Variants in ASPA observed in about 807,000 individuals in gnomAD.
ASPA encodes aspartoacylase, also known as ACY-2.
Under a neutral mutation model 29.6 loss-of-function variants are expected in ASPA, and 25 were observed. The observed-to-expected ratio is 0.85, with a 90% CI of 0.62 to 1.18. The LOEUF is 1.18. Among genes scored for constraint, ASPA ranks in the 50% most tolerant of loss-of-function variants. The pLI, the probability that ASPA is intolerant of heterozygous loss-of-function variation, is 0.00. For synonymous variants in ASPA, 131 were observed against 130.3 expected, an observed-to-expected ratio of 1.01 and a Z score of -0.04; for missense variants, 333 against 385.7, an observed-to-expected ratio of 0.86 and a Z score of 1.14.
chr17:3,479,755 T>A (rs543012126), intron 1 of ASPA, among the ~76,000 whole-genome samples: 1 of 152,262 alleles, frequency 6.6e-6, no homozygotes, highest in South Asian at 2.1e-4. Flanking sequence ...CCTGATCTCA[T>A]TCCAGGCAGG....
intron 4 of ASPA, among the ~76,000 whole-genome samples, chr17:3,492,563 C>T (rs895551545): frequency 2.0e-5 from 3 of 152,194 alleles, no homozygotes; most frequent in Admixed American, 1.3e-4. Context: ...GCTGGCTTGC[C>T]CATGTGAATT....
At chr17:3,497,092 G>A (rs555476586) in intron 5 of ASPA, among the ~76,000 whole-genome samples, 3 of 152,162 alleles carry the variant, frequency 2.0e-5, no homozygotes, top group African/African-American at 7.2e-5. Context: ...GCTGATTTCT[G>A]AGTCCTCTTC....
At chr17:3,492,808 G>C (rs1405145421) in intron 4 of ASPA, among the ~76,000 whole-genome samples, 1 of 152,098 alleles carries the variant, frequency 6.6e-6, no homozygotes, top group African/African-American at 2.4e-5. Flanking sequence ...CAGCCTCCAG[G>C]TGAGCTGTCA....
At position 3,501,049 on chromosome 17, in the gene ASPA, T is replaced by C. The variant is rs2073983992; in HGVS notation, c.*1961T>C. ...ATGTGCGAAGAGATTAGCATTGTTT[T>C]CGCGCCTGCTACCACGACATCCAGC... On this transcript the variant is annotated 3_prime_UTR_variant, in exon 6 of 6. Transcript: ENST00000263080. 2 of 152,170 alleles carry C rather than the reference T, an allele frequency of 1.3e-5. No homozygotes were observed. Among genetic ancestry groups the C allele is most frequent in the Non-Finnish European group, 1.5e-5 (1 of 68,038 alleles). The allele number at this position is 152,170 out of a possible 1,614,324, so 9.4% of individuals were successfully genotyped here.
rs575526704 is a variant in ASPA at position 3,491,090 on chromosome 17, T to G, written c.634+1748T>G. 1.1e-4 allele frequency among the ~76,000 whole-genome samples: 17 copies of G among 152,312 alleles called. No individual in the cohort carries two copies. In the Middle Eastern group the frequency reaches 0.01, roughly 91 times the overall value. ...GGCTTCATTCTTGACTCTGTCCTAC[T>G]CAGAACTGTAGTTAGTGACTTGGAT... On this transcript the variant is annotated intron_variant, in intron 4 of 5. Transcript: ENST00000263080.
Position 3,499,023 on chromosome 17 carries a change from G to C in ASPA, c.877G>C (p.Glu293Gln). 1 of 1,614,174 alleles carries C rather than the reference G, an allele frequency of 6.2e-7. No individual in the cohort carries two copies. The highest frequency in any genetic ancestry group is 8.5e-7 in the Non-Finnish European group (1 of 1,180,030). ...TGAGGCCGCATATTACGAAAAGAAA[G>C]AAGCTTTTGCAAAGACAACTAAACT... ...VNEAAYYEKK[E>Q]AFAKTTKLTL... The change falls in exon 6 of 6, where the codon GAA becomes CAA. Residue 293 changes from glutamate to glutamine, a missense_variant. Glu to Gln is a conservative substitution (Grantham distance 29). Transcript: ENST00000263080.
At position 3,485,438 on chromosome 17, in the gene ASPA, C is replaced by T. The variant is rs142959729; in HGVS notation, c.526+1846C>T. 5.8e-4 allele frequency among the ~76,000 whole-genome samples: 89 copies of T among 152,200 alleles called. 2 individuals are homozygous for T. Among genetic ancestry groups the T allele is most frequent in the Middle Eastern group, 3.4e-3 (1 of 294 alleles). ...CCAACCAGGAGAATCGCTTGAACCC[C>T]GGAGGTGGAGGTTGCAGTGAGCCGA... On this transcript the variant is annotated intron_variant, in intron 3 of 5. Transcript: ENST00000263080. This position sits in a 1 kb window ranked among gnomAD's most constrained non-coding sequence, Gnocchi z 4.4.
At chr17:3,483,991 C>T (rs568439395) in intron 3 of ASPA, among the ~76,000 whole-genome samples, 3 of 152,274 alleles carry the variant, frequency 2.0e-5, no homozygotes, top group East Asian at 3.9e-4. Context: ...TTACAGCTAC[C>T]TTCCATATCC....
intron 5 of ASPA, 143 bp downstream of exon 5, chr17:3,494,602 G>A (rs977725453): frequency 4.3e-5 from 31 of 715,468 alleles, no homozygotes; most frequent in Middle Eastern, 3.3e-4. Context: ...GAAGATGTTC[G>A]GACTGTCGCT....
chr17:3,478,180 G>A (rs1034607665), intron 1 of ASPA, among the ~76,000 whole-genome samples: 3 of 150,078 alleles, frequency 2.0e-5, no homozygotes, highest in East Asian at 1.9e-4. Context: ...GCGAGACTCC[G>A]TCTCAAAAAA....
In ASPA at chr17:3,498,876, A is replaced by G; in HGVS notation, c.745-15A>G. The G allele has an allele frequency of 6.5e-7, 1 of 1,527,372 alleles. No individual in the cohort carries two copies. The highest frequency in any genetic ancestry group is 8.8e-7 in the Non-Finnish European group (1 of 1,140,028). The allele number at this position is 1,527,372 out of a possible 1,614,324, so 94.6% of individuals were successfully genotyped here. A position where few individuals can be genotyped will look rare whatever the true frequency, so the allele number is the denominator to read the frequency against. ...AACCAAATATAATATATTTATTTTG[A>G]TTGTTTCCTGAGAGGATCAAGACTG... On this transcript the variant is annotated splice_polypyrimidine_tract_variant and intron_variant, in intron 5 of 5. Transcript: ENST00000263080.
At chr17:3,487,457 G>C (rs1011200948) in intron 3 of ASPA, among the ~76,000 whole-genome samples, 1 of 152,154 alleles carries the variant, frequency 6.6e-6, no homozygotes, top group Non-Finnish European at 1.5e-5. Flanking sequence ...AAACATATCA[G>C]CAATGTTTGT....
intron 5 of ASPA, among the ~76,000 whole-genome samples, chr17:3,495,017 C>A (rs1050031811): frequency 3.9e-5 from 6 of 152,090 alleles, no homozygotes; most frequent in African/African-American, 1.4e-4. Flanking sequence ...CTTCTGCCAC[C>A]ATTCCCCAAC....
At position 3,499,157 on chromosome 17, in the gene ASPA, T is replaced by G; in HGVS notation, c.*69T>G. The G allele has an allele frequency of 2.0e-6, 3 of 1,532,772 alleles. No homozygotes were observed. The African/African-American group carries it at 4.1e-5, about 21-fold the overall frequency. The allele number at this position is 1,532,772 out of a possible 1,614,324, so 94.9% of individuals were successfully genotyped here. Reference sequence around the variant, plus strand: ...TGCTAGTCTGTAAGCTCCTTAAGAGTAGGGTTGTGCCTTATTCAACTGCAT... The same window carrying G: ...TGCTAGTCTGTAAGCTCCTTAAGAGGAGGGTTGTGCCTTATTCAACTGCAT... On this transcript the variant is annotated 3_prime_UTR_variant, in exon 6 of 6. Transcript: ENST00000263080.
chr17:3,491,696 C>T (rs769567197), intron 4 of ASPA, among the ~76,000 whole-genome samples: 5 of 151,632 alleles, frequency 3.3e-5, no homozygotes, highest in East Asian at 3.9e-4. Context: ...TGCAGTGAGC[C>T]GAGTTCATGC....
chr17:3,476,344 C>G lies in ASPA; in HGVS notation c.185C>G (p.Thr62Ser). 6.2e-7 allele frequency: 1 copy of G among 1,614,074 alleles called. No homozygotes were observed. The highest frequency in any genetic ancestry group is 8.5e-7 in the Non-Finnish European group (1 of 1,180,014). ...AACCCCAGAGCAGTGAAGAAGTGTA[C>G]CAGATATATTGACTGTGACCTGAAT... ...ITNPRAVKKC[T>S]RYIDCDLNRI... Residue 62 changes from threonine (T) to serine (S), a missense_variant, in exon 1 of 6, where the codon ACC becomes AGC. Physicochemically the swap from Thr to Ser is moderately conservative, Grantham distance 58. Transcript: ENST00000263080.
At position 3,490,216 on chromosome 17, in the gene ASPA, A is replaced by G. The variant is rs867733491; in HGVS notation, c.634+874A>G. 2.0e-4 allele frequency among the ~76,000 whole-genome samples: 31 copies of G among 152,328 alleles called. No homozygotes were observed. The highest frequency in any genetic ancestry group is 6.7e-4 in the African/African-American group (28 of 41,572). On this transcript the variant is annotated intron_variant, in intron 4 of 5. Coordinates refer to ENST00000263080, the MANE Select transcript of ASPA (RefSeq NM_000049.4). This position sits in a 1 kb window ranked among gnomAD's most constrained non-coding sequence, Gnocchi z 4.6. ...GCTAATTTTGTCTTAATTATATTCA[A>G]TAAGAATAATGTATTTATGTATTAT...
At chr17:3,477,012 G>A (rs1395656755) in intron 1 of ASPA, among the ~76,000 whole-genome samples, 2 of 152,060 alleles carry the variant, frequency 1.3e-5, no homozygotes, top group Admixed American at 1.3e-4. Flanking sequence ...AAAATTAGCC[G>A]GGCGTAGTGG....
At chr17:3,489,212 A>C (rs375663977) in intron 3 of ASPA, 23 bp from the exon 4 acceptor site, 7 of 1,355,714 alleles carry the variant, frequency 5.2e-6, no homozygotes, top group Non-Finnish European at 7.4e-6. Context: ...TATAAATGTG[A>C]CTATCTCTCC....
Sources: allele counts gnomAD v4.1 joint callset (sites outside exome capture counted in the v4.1 genomes callset), GRCh38; gene constraint gnomAD v4.1.1; non-coding constraint Gnocchi (gnomAD v3.1); transcripts MANE v1.5; gene names NCBI Gene and HGNC (gene_info 2026-07-23, HGNC 2026-07-21).